Variants in IMMP2L observed in about 807,000 individuals in gnomAD.
IMMP2L encodes the protein mitochondrial inner membrane protease subunit 2.
Under a neutral mutation model 19.3 loss-of-function variants are expected in IMMP2L, and 18 were observed. That is an observed-to-expected ratio of 0.93 (90% CI 0.64 to 1.38). The LOEUF is 1.38. Ranked by LOEUF, IMMP2L falls within the 40% of genes most tolerant of loss-of-function variation. IMMP2L has a pLI of 0.00. For synonymous variants in IMMP2L, 76 were observed against 73.0 expected (o/e 1.04, Z -0.21); for missense variants, 233 against 218.2 (o/e 1.07, Z -0.43).
chr7:111,232,686 C>T (rs919765239), intron 3 of IMMP2L, among the ~76,000 whole-genome samples: 2 of 152,074 alleles, frequency 1.3e-5, no homozygotes, highest in Non-Finnish European at 2.9e-5. Context: ...TCCATTCCAT[C>T]GCATAGGATG....
intron 3 of IMMP2L, among the ~76,000 whole-genome samples, chr7:110,965,485 A>G (rs1819442457): frequency 6.6e-6 from 1 of 152,036 alleles, no homozygotes; most frequent in African/African-American, 2.4e-5. Context: ...TTTTTATTTT[A>G]AAATGAAATT....
At chr7:111,273,936 T>A (rs1045192638) in intron 3 of IMMP2L, among the ~76,000 whole-genome samples, 3 of 152,182 alleles carry the variant, frequency 2.0e-5, no homozygotes, top group African/African-American at 7.2e-5. Context: ...AAGAACTATA[T>A]ATACTTCTTA....
chr7:111,096,742 A>T (rs1263077268), intron 3 of IMMP2L, among the ~76,000 whole-genome samples: 1 of 151,890 alleles, frequency 6.6e-6, no homozygotes, highest in Non-Finnish European at 1.5e-5. Context: ...AAGAACCCCC[A>T]ATGGATCAAG....
intron 3 of IMMP2L, among the ~76,000 whole-genome samples, chr7:111,182,176 C>A (rs1415276073): frequency 6.6e-6 from 1 of 151,970 alleles, no homozygotes; most frequent in African/African-American, 2.4e-5. Context: ...ATCTATCTAA[C>A]TGTCCATCAC....
intron 5 of IMMP2L, among the ~76,000 whole-genome samples, chr7:110,700,628 C>G (rs1015021438): frequency 3.9e-5 from 6 of 152,172 alleles, no homozygotes; most frequent in African/African-American, 1.4e-4. Context: ...TGCATCACTA[C>G]CTCTCACCTT....
chr7:111,393,500 C>T (rs1459222199), intron 3 of IMMP2L, among the ~76,000 whole-genome samples: 5 of 152,072 alleles, frequency 3.3e-5, no homozygotes, highest in African/African-American at 1.2e-4. Context: ...TTAAATTACT[C>T]TATTGTCTGC....
At chr7:110,811,654 G>C (rs1199861747) in intron 5 of IMMP2L, among the ~76,000 whole-genome samples, 1 of 151,954 alleles carries the variant, frequency 6.6e-6, no homozygotes, top group African/African-American at 2.4e-5. Context: ...TGGTAATTTA[G>C]AGCTATTATA....
chr7:110,702,141 C>T (rs1044314281), intron 5 of IMMP2L, among the ~76,000 whole-genome samples: 15 of 151,380 alleles, frequency 9.9e-5, no homozygotes, highest in Non-Finnish European at 1.8e-4. Context: ...CACCGTGTTG[C>T]CCAGGCTGAT....
intron 3 of IMMP2L, among the ~76,000 whole-genome samples, chr7:111,169,977 C>T (rs1323244574): frequency 6.6e-6 from 1 of 151,742 alleles, no homozygotes; most frequent in Non-Finnish European, 1.5e-5. Flanking sequence ...CCACGTTAAT[C>T]CGGTTTCACA....
intron 5 of IMMP2L, among the ~76,000 whole-genome samples, chr7:110,718,477 G>T (rs1795365502): frequency 6.6e-6 from 1 of 151,948 alleles, no homozygotes; most frequent in African/African-American, 2.4e-5. Flanking sequence ...AGTTTTCTTC[G>T]GTGGCATTCA....
At chr7:111,445,422 A>C (rs1017268116) in intron 3 of IMMP2L, among the ~76,000 whole-genome samples, 2 of 151,698 alleles carry the variant, frequency 1.3e-5, no homozygotes, top group Non-Finnish European at 2.9e-5. Flanking sequence ...ACATACATAC[A>C]TACATACATA....
At chr7:110,897,733 T>C (rs1221155443) in intron 4 of IMMP2L, among the ~76,000 whole-genome samples, 2 of 152,150 alleles carry the variant, frequency 1.3e-5, no homozygotes, top group Non-Finnish European at 2.9e-5. Context: ...GTCCATACCA[T>C]GGAATGCTAT....
intron 5 of IMMP2L, among the ~76,000 whole-genome samples, chr7:110,756,933 A>G (rs183232117): frequency 7.9e-5 from 12 of 152,120 alleles, no homozygotes; most frequent in Non-Finnish European, 1.0e-4. Context: ...CCATTTTTTA[A>G]GAGAATGGTT....
chr7:110,857,011 A>G (rs1806863814), intron 5 of IMMP2L, among the ~76,000 whole-genome samples: 1 of 152,084 alleles, frequency 6.6e-6, no homozygotes, highest in Non-Finnish European at 1.5e-5. Flanking sequence ...CAATGTGTTC[A>G]ATTGTCTGGG....
chr7:111,035,265 T>G (rs561496777), intron 3 of IMMP2L, among the ~76,000 whole-genome samples: 1 of 152,226 alleles, frequency 6.6e-6, no homozygotes, highest in African/African-American at 2.4e-5. Flanking sequence ...ATGACAGAAA[T>G]AAAAAGGTAT....
chr7:110,936,457 C>G (rs572203040), intron 4 of IMMP2L, among the ~76,000 whole-genome samples: 1 of 152,312 alleles, frequency 6.6e-6, no homozygotes, highest in East Asian at 1.9e-4. Flanking sequence ...AAAAGCTCAT[C>G]ATCACTGGTC....
chr7:111,444,752 A>T (rs953254621), intron 3 of IMMP2L, among the ~76,000 whole-genome samples: 3 of 152,138 alleles, frequency 2.0e-5, no homozygotes, highest in Non-Finnish European at 2.9e-5. Context: ...TATACCTAAA[A>T]CAAAGAAGTA....
At chr7:111,055,502 C>A (rs1023078490) in intron 3 of IMMP2L, among the ~76,000 whole-genome samples, 1 of 152,144 alleles carries the variant, frequency 6.6e-6, no homozygotes, top group African/African-American at 2.4e-5. Context: ...CTTCCTAACC[C>A]GTTTGCAAAC....
chr7:111,325,872 A>G (rs1251658501), intron 3 of IMMP2L, among the ~76,000 whole-genome samples: 1 of 151,724 alleles, frequency 6.6e-6, no homozygotes, highest in Non-Finnish European at 1.5e-5. Context: ...GCATTTCTTT[A>G]TTAGAGAGGT....
Sources: allele counts gnomAD v4.1 joint callset (sites outside exome capture counted in the v4.1 genomes callset), GRCh38; gene constraint gnomAD v4.1.1; transcripts MANE v1.5; gene names NCBI Gene and HGNC (gene_info 2026-07-23, HGNC 2026-07-21).